Variants in DIAPH3 observed in about 807,000 individuals in gnomAD.
DIAPH3 encodes diaphanous related formin 3, also known as protein diaphanous homolog 3.
In DIAPH3, 117 loss-of-function variants were observed where a neutral mutation model predicts 144.3. The observed-to-expected ratio is 0.81, with a 90% CI of 0.70 to 0.95. The LOEUF is 0.95. Ranked by LOEUF, DIAPH3 falls within the 40% of genes least tolerant of loss-of-function variation. The pLI is 0.00. For missense variants in DIAPH3, 1,421 were observed against 1,412.7 expected (o/e 1.01, Z -0.09); for synonymous variants, 519 against 488.9 (o/e 1.06, Z -0.81).
At chr13:60,132,513 T>C (rs565875803) in intron 2 of DIAPH3, among the ~76,000 whole-genome samples, 7 of 152,166 alleles carry the variant, frequency 4.6e-5, no homozygotes, top group Non-Finnish European at 1.0e-4. Context: ...ATTTTCAACA[T>C]AAAAAACGTA....
chr13:59,909,832 C>G (rs2046906992), intron 20 of DIAPH3, among the ~76,000 whole-genome samples: 1 of 152,152 alleles, frequency 6.6e-6, no homozygotes, highest in Non-Finnish European at 1.5e-5. Flanking sequence ...AAAACTATTA[C>G]CTCTAGCATT....
intron 4 of DIAPH3, among the ~76,000 whole-genome samples, chr13:60,086,107 T>C (rs923955843): frequency 1.3e-5 from 2 of 152,248 alleles, no homozygotes; most frequent in East Asian, 1.9e-4. Context: ...TAACTACCTA[T>C]ACGATTTTTA....
At chr13:60,127,809 C>A (rs1384054259) in intron 2 of DIAPH3, among the ~76,000 whole-genome samples, 1 of 152,046 alleles carries the variant, frequency 6.6e-6, no homozygotes, top group East Asian at 1.9e-4. Flanking sequence ...CTAGTGCACT[C>A]ATTATTGTAT....
At chr13:59,814,978 T>A (rs548627226) in intron 24 of DIAPH3, among the ~76,000 whole-genome samples, 4 of 152,396 alleles carry the variant, frequency 2.6e-5, no homozygotes, top group Admixed American at 2.6e-4. Context: ...TAATATAATG[T>A]CTTCTGGTTT....
chr13:59,720,845 A>T (rs1324923616), intron 27 of DIAPH3, among the ~76,000 whole-genome samples: 1 of 152,006 alleles, frequency 6.6e-6, no homozygotes, highest in Non-Finnish European at 1.5e-5. Flanking sequence ...TGCCCCAATA[A>T]CTCATTTTCC....
rs1037876774 is a variant in DIAPH3 at position 59,932,368 on chromosome 13, T to C, written c.2075-7498A>G. ...TCCGTTTCTTATATAATTCTCATTATAGTCATCCTAATACTACTACTAGTA... is the reference window on the plus strand; with the variant it reads ...TCCGTTTCTTATATAATTCTCATTACAGTCATCCTAATACTACTACTAGTA... On this transcript the variant is annotated intron_variant, in intron 17 of 27. Transcript: ENST00000400324. Among the ~76,000 whole-genome samples, 3 of 152,154 alleles carry C rather than the reference T, an allele frequency of 2.0e-5. No individual in the cohort carries two copies. In the South Asian group the frequency reaches 6.2e-4, roughly 32 times the overall value.
At chr13:59,863,709 A>C (rs2043739464) in intron 21 of DIAPH3, among the ~76,000 whole-genome samples, 1 of 152,174 alleles carries the variant, frequency 6.6e-6, no homozygotes, top group African/African-American at 2.4e-5. Context: ...CTTTAAAAAC[A>C]GACTGAATAT....
rs563471224 is a variant in DIAPH3 at position 59,895,438 on chromosome 13, A to C, written c.2368-15970T>G. On this transcript the variant is annotated intron_variant, in intron 20 of 27. Coordinates refer to ENST00000400324, the MANE Select transcript of DIAPH3 (RefSeq NM_001042517.2). ...TTGATCCAATGTTAAAGGAAAAAAA[A>C]AAAAACAAAAAAAAAACACATTTAT... 1.4e-3 allele frequency among the ~76,000 whole-genome samples: 200 copies of C among 146,152 alleles called. 1 individual carries two copies. The highest frequency in any genetic ancestry group is 5.2e-3 in the African/African-American group (190 of 36,658).
chr13:59,789,073 T>A (rs946366033), intron 25 of DIAPH3, among the ~76,000 whole-genome samples: 6 of 152,130 alleles, frequency 3.9e-5, no homozygotes, highest in African/African-American at 1.4e-4. Flanking sequence ...ACCTTGTGTG[T>A]TATGTAGGGT....
chr13:59,846,370 G>A (rs1317212535), intron 22 of DIAPH3, among the ~76,000 whole-genome samples: 1 of 152,030 alleles, frequency 6.6e-6, no homozygotes, highest in Non-Finnish European at 1.5e-5. Context: ...TTTAAGGAAA[G>A]CTTAAAGAAC....
intron 5 of DIAPH3, among the ~76,000 whole-genome samples, chr13:60,025,819 G>A (rs2054335751): frequency 6.6e-6 from 1 of 151,446 alleles, no homozygotes; most frequent in Non-Finnish European, 1.5e-5. Context: ...CTGAGATGAG[G>A]ACAATTTAAA....
intron 22 of DIAPH3, among the ~76,000 whole-genome samples, chr13:59,850,733 GAAT>G (rs2042917261): frequency 6.6e-6 from 1 of 151,662 alleles, no homozygotes; most frequent in South Asian, 2.1e-4. Flanking sequence ...TACCATCAGA[GAAT>G]ACTACAAACA....
At chr13:60,049,995 T>C (rs1451309342) in intron 4 of DIAPH3, among the ~76,000 whole-genome samples, 2 of 152,122 alleles carry the variant, frequency 1.3e-5, no homozygotes, top group African/African-American at 2.4e-5. Context: ...TTTGAAAACA[T>C]ACTGGGCAAC....
intron 27 of DIAPH3, among the ~76,000 whole-genome samples, chr13:59,689,834 TTAAG>T (rs1446606606): frequency 6.6e-6 from 1 of 151,718 alleles, no homozygotes; most frequent in Non-Finnish European, 1.5e-5. Context: ...AAGTGATGCT[TTAAG>T]TAAGCTGATC....
chr13:60,049,567 C>T (rs926584742), intron 4 of DIAPH3, among the ~76,000 whole-genome samples: 14 of 152,308 alleles, frequency 9.2e-5, no homozygotes, highest in African/African-American at 3.4e-4. Context: ...AGTGGCTTCC[C>T]ACAAAAGGCC....
intron 2 of DIAPH3, among the ~76,000 whole-genome samples, chr13:60,128,916 A>C (rs2059063845): frequency 6.6e-6 from 1 of 152,202 alleles, no homozygotes; most frequent in Admixed American, 6.5e-5. Context: ...CAGAGAGTTT[A>C]GGAGTTTATG....
chr13:60,084,370 T>C (rs1594620499), intron 4 of DIAPH3, among the ~76,000 whole-genome samples: 1 of 152,086 alleles, frequency 6.6e-6, no homozygotes, highest in East Asian at 1.9e-4. Flanking sequence ...CCCTAGTTTC[T>C]AGTCCTAGCT....
At chr13:59,820,674 G>T (rs1052823616) in intron 24 of DIAPH3, among the ~76,000 whole-genome samples, 22 of 150,876 alleles carry the variant, frequency 1.5e-4, no homozygotes, top group East Asian at 1.9e-4. Context: ...TTCCAAATAG[G>T]CCTTTACTTG....
chr13:59,874,924 CAT>C (rs1052632532), intron 21 of DIAPH3, among the ~76,000 whole-genome samples: 10 of 152,216 alleles, frequency 6.6e-5, no homozygotes, highest in East Asian at 1.9e-4. Flanking sequence ...TTATTAAACA[CAT>C]GTTATGGTTA....
Sources: allele counts gnomAD v4.1 joint callset (sites outside exome capture counted in the v4.1 genomes callset), GRCh38; gene constraint gnomAD v4.1.1; transcripts MANE v1.5; gene names NCBI Gene and HGNC (gene_info 2026-07-23, HGNC 2026-07-21).